CEP112: variants seen among roughly 807,000 people sequenced by gnomAD.
CEP112 encodes the protein centrosomal protein of 112 kDa.
In CEP112, 127 loss-of-function variants were observed where a neutral mutation model predicts 153.0. The ratio of observed to expected loss-of-function variants is 0.83; its 90% confidence interval spans 0.72 to 0.96. The LOEUF is 0.96. Among genes scored for constraint, CEP112 ranks in the 40% least tolerant of loss-of-function variants. The pLI is 0.00. For missense variants in CEP112, 1,089 were observed against 1,101.2 expected (o/e 0.99, Z 0.16); for synonymous variants, 358 against 374.4 (o/e 0.96, Z 0.51).
intron 6 of CEP112, among the ~76,000 whole-genome samples, chr17:66,116,935 C>T (rs1274452986): frequency 6.2e-5 from 9 of 146,028 alleles, no homozygotes; most frequent in East Asian, 4.2e-4. Context: ...GGTGCGATCT[C>T]GGCTCACTGC....
At position 65,974,673 on chromosome 17, in the gene CEP112, G is replaced by A. The variant is rs576767696; in HGVS notation, c.1737-13075C>T. The stretch of plus-strand genomic sequence containing the variant: ...CTACACTGATGTAAAAAGAACGAGT[G>A]ACTTCCAGGTTATAATAAATGAAAA... On this transcript the variant is annotated intron_variant, in intron 17 of 26. Coordinates refer to ENST00000535342, the MANE Select transcript of CEP112 (RefSeq NM_001199165.4). 2.0e-5 allele frequency among the ~76,000 whole-genome samples: 3 copies of A among 152,268 alleles called. No individual in the cohort carries two copies. In the East Asian group the frequency reaches 5.8e-4, roughly 29 times the overall value.
chr17:65,714,243 T>C (rs2049368343), intron 23 of CEP112, among the ~76,000 whole-genome samples: 1 of 152,134 alleles, frequency 6.6e-6, no homozygotes, highest in African/African-American at 2.4e-5. Flanking sequence ...TATATCTCTC[T>C]TCATGTACAT....
At chr17:66,102,353 G>A (rs987745565) in intron 6 of CEP112, among the ~76,000 whole-genome samples, 1 of 151,994 alleles carries the variant, frequency 6.6e-6, no homozygotes, top group Non-Finnish European at 1.5e-5. Flanking sequence ...AATAGATAAG[G>A]CTTTTAATTT....
chr17:65,696,886 A>G (rs1459886015), intron 23 of CEP112, among the ~76,000 whole-genome samples: 2 of 152,156 alleles, frequency 1.3e-5, no homozygotes, highest in African/African-American at 2.4e-5. Flanking sequence ...TGAATTTACT[A>G]TCCTACTTTG....
At chr17:66,164,451 G>A (rs1288714375) in intron 4 of CEP112, among the ~76,000 whole-genome samples, 9 of 149,982 alleles carry the variant, frequency 6.0e-5, no homozygotes, top group Middle Eastern at 3.5e-3. Context: ...CCAGCTACTC[G>A]GGAGGCTGGG....
chr17:65,961,418 C>T (rs761142749), intron 18 of CEP112, 45 bp downstream of exon 18: 2 of 1,536,148 alleles, frequency 1.3e-6, no homozygotes, highest in Admixed American at 1.8e-5. Flanking sequence ...TACCTTCCTA[C>T]TGAGAGAGTG....
At chr17:65,761,726 A>C (rs1485097737) in intron 21 of CEP112, among the ~76,000 whole-genome samples, 1 of 151,964 alleles carries the variant, frequency 6.6e-6, no homozygotes, top group Non-Finnish European at 1.5e-5. Flanking sequence ...GTTGATTTCT[A>C]GTTTAGTTCC....
intron 4 of CEP112, among the ~76,000 whole-genome samples, chr17:66,137,885 C>T (rs1187812188): frequency 1.3e-5 from 2 of 152,044 alleles, no homozygotes; most frequent in Non-Finnish European, 2.9e-5. Flanking sequence ...ATATGAAACT[C>T]ACTGATAAAA....
chr17:65,885,220 A>G (rs760037370), intron 20 of CEP112, among the ~76,000 whole-genome samples: 5 of 152,184 alleles, frequency 3.3e-5, no homozygotes, highest in Non-Finnish European at 7.3e-5. Flanking sequence ...GATTATTTAT[A>G]CTGATTTATA....
intron 22 of CEP112, among the ~76,000 whole-genome samples, chr17:65,746,185 A>AAAG (rs2051451241): frequency 6.7e-6 from 1 of 149,996 alleles, no homozygotes; most frequent in African/African-American, 2.5e-5. Context: ...AAAAAAAAAA[A>AAAG]AAAGAAAAGA....
rs546770532 is a variant in CEP112 at position 66,156,739 on chromosome 17, C to T, written c.470+18305G>A. 2.0e-5 allele frequency among the ~76,000 whole-genome samples: 3 copies of T among 152,008 alleles called. No individual in the cohort carries two copies. The South Asian group carries it at 6.2e-4, about 32-fold the overall frequency. On this transcript the variant is annotated intron_variant, in intron 4 of 26. Transcript: ENST00000535342. The stretch of plus-strand genomic sequence containing the variant: ...GCACGAGAACTTCGTGAAGCATACG[C>T]AAGTATCAATAGCCAAATTGATCAA...
chr17:65,709,453 G>A (rs1178992234), intron 23 of CEP112, among the ~76,000 whole-genome samples: 1 of 152,140 alleles, frequency 6.6e-6, no homozygotes, highest in Non-Finnish European at 1.5e-5. Context: ...GAGAGAATGA[G>A]AGCCAAGTGA....
intron 17 of CEP112, among the ~76,000 whole-genome samples, chr17:65,979,540 CT>C (rs1467835714): frequency 6.6e-6 from 1 of 152,136 alleles, no homozygotes; most frequent in African/African-American, 2.4e-5. Flanking sequence ...TGTGTCTGGC[CT>C]TAGGCTCTTT....
intron 16 of CEP112, among the ~76,000 whole-genome samples, chr17:66,011,401 C>T (rs1056370133): frequency 6.6e-6 from 1 of 152,080 alleles, no homozygotes. Context: ...TTGCTATATC[C>T]CAGAGATTCT....
intron 17 of CEP112, among the ~76,000 whole-genome samples, chr17:65,987,469 C>A (rs1334259006): frequency 2.0e-5 from 3 of 151,900 alleles, no homozygotes; most frequent in Non-Finnish European, 4.4e-5. Context: ...AAAAGGAAAA[C>A]AATATTAGAA....
chr17:66,063,835 T>C (rs904239274), intron 10 of CEP112, among the ~76,000 whole-genome samples: 2 of 152,142 alleles, frequency 1.3e-5, no homozygotes, highest in African/African-American at 4.8e-5. Flanking sequence ...AAACCACTAT[T>C]ATAAACACAC....
chr17:65,908,152 A>G (rs533966927), intron 19 of CEP112, among the ~76,000 whole-genome samples: 2 of 152,322 alleles, frequency 1.3e-5, no homozygotes, highest in East Asian at 3.9e-4. Flanking sequence ...GAAGGCTTCA[A>G]GTTCCATAAT....
At chr17:65,995,822 CAT>C (rs947883393) in intron 17 of CEP112, among the ~76,000 whole-genome samples, 5 of 152,112 alleles carry the variant, frequency 3.3e-5, no homozygotes, top group African/African-American at 1.2e-4. Context: ...CAGATTCCCC[CAT>C]ACTGTTCTCG....
intron 20 of CEP112, among the ~76,000 whole-genome samples, chr17:65,893,994 T>C (rs73344900): frequency 0.016 from 2,470 of 152,180 alleles, 76 homozygotes; most frequent in African/African-American, 0.057. Context: ...ACCACAAATA[T>C]ACAAATGAAG....
Sources: gnomAD v4.1 joint callset for allele counts (sites outside exome capture counted in the v4.1 genomes callset) on GRCh38, gnomAD v4.1.1 for gene constraint, MANE v1.5 for transcripts, NCBI Gene and HGNC (gene_info 2026-07-23, HGNC 2026-07-21) for gene names.